The following HCN1 variants were observed in gnomAD, a reference collection of about 807,000 sequenced individuals.
HCN1 encodes the protein hyperpolarization activated cyclic nucleotide gated potassium channel 1, also known as potassium/sodium hyperpolarization-activated cyclic nucleotide-gated channel 1.
In HCN1, 13 loss-of-function variants were observed where a neutral mutation model predicts 78.9. The observed-to-expected ratio is 0.16, with a 90% confidence interval of 0.11 to 0.26. The LOEUF is 0.26. HCN1 is among the 10% of genes least tolerant of loss of function. HCN1 has a pLI of 1.00. For missense variants in HCN1, 810 were observed against 1,154.3 expected (o/e 0.70, Z 4.32); for synonymous variants, 552 against 455.5 (o/e 1.21, Z -2.70).
chr5:45,558,620 T>G (rs912967880), intron 2 of HCN1: 1 of 152,150 alleles, frequency 6.6e-6, no homozygotes, highest in African/African-American at 2.4e-5. Context: ...TAGGAGCTTA[T>G]GCAACTGGTG....
chr5:45,288,354 A>G lies in HCN1; in HGVS notation c.1618+15245T>C, dbSNP rs116751085. ...GCAGCCCTTCTTTAAAAATACTGTG[A>G]ACTAGAATAGGCAAGAAGACATTTT... On this transcript the variant is annotated intron_variant, in intron 6 of 7. Coordinates refer to ENST00000303230, the MANE Select transcript of HCN1 (RefSeq NM_021072.4). 4.1e-3 allele frequency among the ~76,000 whole-genome samples: 627 copies of G among 152,200 alleles called. 5 individuals are homozygous for G. The highest frequency in any genetic ancestry group is 0.015 in the African/African-American group (608 of 41,552).
intron 4 of HCN1, among the ~76,000 whole-genome samples, chr5:45,383,234 C>T (rs1007926005): frequency 1.3e-5 from 2 of 152,106 alleles, no homozygotes; most frequent in Non-Finnish European, 2.9e-5. Context: ...ATGCAATGGG[C>T]ATGTATTCAG....
At chr5:45,691,912 C>A (rs1049639385) in intron 1 of HCN1, among the ~76,000 whole-genome samples, 11 of 152,076 alleles carry the variant, frequency 7.2e-5, no homozygotes, top group African/African-American at 2.7e-4. Flanking sequence ...TCTCTAGAGT[C>A]CTTGAGTACT....
At chr5:45,423,601 G>T (rs1740272908) in intron 3 of HCN1, among the ~76,000 whole-genome samples, 3 of 152,058 alleles carry the variant, frequency 2.0e-5, no homozygotes, top group Admixed American at 2.0e-4. Flanking sequence ...TATCCAGCTC[G>T]TATTTTTTCT....
chr5:45,426,712 T>C (rs78645523), intron 3 of HCN1, among the ~76,000 whole-genome samples: 1,783 of 152,294 alleles, frequency 0.012, 36 homozygotes, highest in African/African-American at 0.04. Context: ...AACGAACTAA[T>C]ACAGTCCCTG....
In HCN1 at chr5:45,378,802, G is replaced by T. The variant is rs557568184; in HGVS notation, c.1230+17690C>A. Among the ~76,000 whole-genome samples the T allele has an allele frequency of 2.0e-5, 3 of 152,072 alleles. No homozygotes were observed. In the East Asian group the frequency reaches 5.8e-4, roughly 30 times the overall value. On this transcript the variant is annotated intron_variant, in intron 4 of 7. Coordinates refer to ENST00000303230, the MANE Select transcript of HCN1 (RefSeq NM_021072.4). Reference sequence around the variant, plus strand: ...CTCACCCCACAACAGGCCATGGTGTGTGATGTTCCCCTTCCTGTGTCCAAG... The same window carrying T: ...CTCACCCCACAACAGGCCATGGTGTTTGATGTTCCCCTTCCTGTGTCCAAG...
intron 5 of HCN1, among the ~76,000 whole-genome samples, chr5:45,305,792 A>G (rs1745721751): frequency 6.8e-6 from 1 of 147,038 alleles, no homozygotes; most frequent in Non-Finnish European, 1.5e-5. Context: ...GAAGGAAGGA[A>G]GGAGGGAAAG....
At chr5:45,320,162 G>T (rs1217583627) in intron 5 of HCN1, among the ~76,000 whole-genome samples, 1 of 151,716 alleles carries the variant, frequency 6.6e-6, no homozygotes, top group Non-Finnish European at 1.5e-5. Flanking sequence ...TTCCTTCTAA[G>T]AACTTAGACA....
At chr5:45,375,866 TTA>T (rs1173889650) in intron 4 of HCN1, among the ~76,000 whole-genome samples, 1 of 120,906 alleles carries the variant, frequency 8.3e-6, no homozygotes, top group Admixed American at 9.7e-5. Flanking sequence ...ATGATATATC[TTA>T]TATATATTTT....
chr5:45,349,396 C>A (rs1043907000), intron 5 of HCN1, among the ~76,000 whole-genome samples: 1 of 152,120 alleles, frequency 6.6e-6, no homozygotes, highest in Non-Finnish European at 1.5e-5. Context: ...AAATTCATAG[C>A]ACTAAATGCC....
intron 2 of HCN1, among the ~76,000 whole-genome samples, chr5:45,588,714 A>G (rs1208455587): frequency 6.6e-6 from 1 of 152,198 alleles, no homozygotes; most frequent in African/African-American, 2.4e-5. Flanking sequence ...TCACCAGGCT[A>G]GATGAGGCCT....
Position 45,331,184 on chromosome 5 carries a change from T to C in HCN1, c.1377+21916A>G, listed in dbSNP as rs116591950. ...AAAGTGTAGAATTCAACTTAGGAGA[T>C]GACAACATTTAAATATATTAATATC... On this transcript the variant is annotated intron_variant, in intron 5 of 7. Transcript: ENST00000303230. 4.9e-3 allele frequency among the ~76,000 whole-genome samples: 738 copies of C among 151,340 alleles called. 3 individuals are homozygous for C. The highest frequency in any genetic ancestry group is 0.017 in the African/African-American group (706 of 41,460).
chr5:45,554,808 C>T (rs1007460248), intron 2 of HCN1, among the ~76,000 whole-genome samples: 1 of 151,814 alleles, frequency 6.6e-6, no homozygotes, highest in Non-Finnish European at 1.5e-5. Context: ...AACTTTCTAA[C>T]TTTCTTCTGT....
At chr5:45,438,788 C>T (rs1174213209) in intron 3 of HCN1, among the ~76,000 whole-genome samples, 3 of 151,864 alleles carry the variant, frequency 2.0e-5, no homozygotes, top group East Asian at 1.9e-4. Context: ...ATGATGTACA[C>T]GTCAGGTTTC....
chr5:45,497,770 G>A (rs1373088887), intron 2 of HCN1, among the ~76,000 whole-genome samples: 1 of 152,162 alleles, frequency 6.6e-6, no homozygotes, highest in African/African-American at 2.4e-5. Context: ...AGCTCTTTTA[G>A]GGCAGGCCTG....
chr5:45,465,980 G>T (rs950269746), intron 2 of HCN1, among the ~76,000 whole-genome samples: 7 of 152,032 alleles, frequency 4.6e-5, no homozygotes, highest in Admixed American at 2.6e-4. Context: ...CTCCAGACAG[G>T]ATAAATAATT....
chr5:45,687,357 T>C (rs982690613), intron 1 of HCN1, among the ~76,000 whole-genome samples: 13 of 152,184 alleles, frequency 8.5e-5, no homozygotes, highest in Non-Finnish European at 1.3e-4. Flanking sequence ...CCATTTTCAC[T>C]TTTTTATCAT....
intron 7 of HCN1, 61 bp downstream of exon 7, chr5:45,267,028 G>A: frequency 1.4e-6 from 2 of 1,417,454 alleles, no homozygotes; most frequent in South Asian, 1.1e-5. Flanking sequence ...ACTTATAATT[G>A]CAAACCTGTA....
chr5:45,407,533 T>C (rs1348002758), intron 3 of HCN1, among the ~76,000 whole-genome samples: 2 of 152,116 alleles, frequency 1.3e-5, no homozygotes, highest in Admixed American at 1.3e-4. Flanking sequence ...TATTTTTATT[T>C]TTTTAGACAG....
Sources: gnomAD v4.1 joint callset for allele counts (sites outside exome capture counted in the v4.1 genomes callset) on GRCh38, gnomAD v4.1.1 for gene constraint, MANE v1.5 for transcripts, NCBI Gene and HGNC (gene_info 2026-07-23, HGNC 2026-07-21) for gene names.